Variants in CACNA1E observed in about 807,000 individuals in gnomAD.
The protein encoded by CACNA1E is calcium voltage-gated channel subunit alpha1 E, also known as voltage-dependent R-type calcium channel subunit alpha-1E.
A neutral mutation model predicts 259.2 loss-of-function variants in CACNA1E; 40 were observed. The observed-to-expected ratio is 0.15, with a 90% CI of 0.12 to 0.20. CACNA1E has a LOEUF of 0.20. Among genes scored for constraint, CACNA1E ranks in the 10% least tolerant of loss-of-function variants. CACNA1E has a pLI of 1.00. For missense variants in CACNA1E, 1,874 were observed against 3,040.1 expected, an observed-to-expected ratio of 0.62 and a Z score of 9.02; for synonymous variants, 1,104 against 1,138.5, an observed-to-expected ratio of 0.97 and a Z score of 0.61.
intron 1 of CACNA1E, among the ~76,000 whole-genome samples, chr1:181,398,405 CTTTAT>C (rs1286049926): frequency 2.0e-5 from 3 of 152,220 alleles, no homozygotes; most frequent in Non-Finnish European, 2.9e-5. Flanking sequence ...CATGCTCACA[CTTTAT>C]TTTATTTAAC....
intron 1 of CACNA1E, among the ~76,000 whole-genome samples, chr1:181,366,460 G>T (rs1654273793): frequency 1.3e-5 from 2 of 152,174 alleles, no homozygotes; most frequent in Admixed American, 1.3e-4. Context: ...GGGTCCTGTT[G>T]TAATCTTGCC....
intron 1 of CACNA1E, chr1:181,413,046 TCTTCTCTATTTCCCTGTGACCTTGGCCCC>T (rs1657978937): frequency 6.5e-6 from 1 of 153,036 alleles, no homozygotes; most frequent in Non-Finnish European, 1.5e-5. Context: ...TCTTTCTTTC[TCTTCTCTATTTCCCTGTGACCTTGGCCCC>T]ATTCTTCCTC....
chr1:181,377,169 G>T (rs1655159510), intron 1 of CACNA1E, among the ~76,000 whole-genome samples: 3 of 152,340 alleles, frequency 2.0e-5, no homozygotes, highest in Admixed American at 2.0e-4. Flanking sequence ...TACCAAAGGA[G>T]TTGAGAGGAC....
intron 3 of CACNA1E, among the ~76,000 whole-genome samples, chr1:181,518,679 A>G (rs1666772378): frequency 1.3e-5 from 2 of 152,220 alleles, no homozygotes; most frequent in East Asian, 1.9e-4. Flanking sequence ...ATTTTTTCTC[A>G]TGTATGCACT....
At chr1:181,427,172 C>T (rs572205635) in intron 2 of CACNA1E, among the ~76,000 whole-genome samples, 20 of 151,758 alleles carry the variant, frequency 1.3e-4, no homozygotes, top group African/African-American at 9.7e-5. Flanking sequence ...CTCATCTCAA[C>T]GCCTCCCTAT....
chr1:181,396,450 G>A (rs112903612), intron 1 of CACNA1E, among the ~76,000 whole-genome samples: 218 of 152,340 alleles, frequency 1.4e-3, no homozygotes, highest in Admixed American at 4.2e-3. Context: ...CAAAAGCGTG[G>A]GGAGAAAAGT....
chr1:181,573,973 G>A (rs1308654750), intron 3 of CACNA1E, among the ~76,000 whole-genome samples: 4 of 152,188 alleles, frequency 2.6e-5, no homozygotes, highest in Non-Finnish European at 5.9e-5. Context: ...CATGTCCTTT[G>A]TAGGGACATG....
chr1:181,409,053 G>A (rs1046409009), intron 1 of CACNA1E, among the ~76,000 whole-genome samples: 1 of 152,118 alleles, frequency 6.6e-6, no homozygotes, highest in Non-Finnish European at 1.5e-5. Flanking sequence ...TCCAAGAGAC[G>A]CAGATGAAAG....
chr1:181,791,288 G>A (rs184492169), intron 44 of CACNA1E, among the ~76,000 whole-genome samples: 184 of 152,262 alleles, frequency 1.2e-3, no homozygotes, highest in African/African-American at 4.2e-3. Context: ...TGGGTAACAC[G>A]GTGAAACCCC....
chr1:181,508,516 C>A (rs1306285370), intron 1 of CACNA1E, among the ~76,000 whole-genome samples: 1 of 152,182 alleles, frequency 6.6e-6, no homozygotes, highest in Admixed American at 6.5e-5. Context: ...GGTGCCTATG[C>A]CAGGCCCAGG....
chr1:181,422,038 G>T (rs975104083), intron 2 of CACNA1E, among the ~76,000 whole-genome samples: 1 of 152,170 alleles, frequency 6.6e-6, no homozygotes, highest in Non-Finnish European at 1.5e-5. Context: ...GCCTGTTTAT[G>T]TCTCTACCCT....
intron 3 of CACNA1E, among the ~76,000 whole-genome samples, chr1:181,564,407 T>C (rs1311893868): frequency 6.6e-6 from 1 of 152,256 alleles, no homozygotes; most frequent in Non-Finnish European, 1.5e-5. Flanking sequence ...AAGAAGCAGT[T>C]CTTACTGTGA....
intron 1 of CACNA1E, among the ~76,000 whole-genome samples, chr1:181,403,198 G>GTAATA: frequency 6.6e-6 from 1 of 151,564 alleles, no homozygotes; most frequent in South Asian, 2.1e-4. Context: ...TGAGTTCACA[G>GTAATA]TAATAGTTAT....
chr1:181,338,839 A>G lies in CACNA1E; in HGVS notation c.-15+20716A>G, dbSNP rs142627286. On this transcript the variant is annotated intron_variant, in intron 1 of 11. Transcript: ENST00000524607. The stretch of plus-strand genomic sequence containing the variant: ...ATCCATTTTGAGATGATTTTTGTGT[A>G]TAGTGTAAATTAAGGGTCCAGTTTC... Among the ~76,000 whole-genome samples the G allele has an allele frequency of 3.8e-3, 573 of 151,926 alleles. 6 individuals carry two copies. Among genetic ancestry groups the G allele is most frequent in the African/African-American group, 0.013 (548 of 41,418 alleles).
chr1:181,455,324 C>T (rs1412875569), intron 2 of CACNA1E, among the ~76,000 whole-genome samples: 1 of 151,902 alleles, frequency 6.6e-6, no homozygotes, highest in East Asian at 1.9e-4. Flanking sequence ...AGGGAGAGCT[C>T]CAAGGACAAG....
upstream of CACNA1E, among the ~76,000 whole-genome samples, chr1:181,481,990 G>A (rs1028938129): frequency 1.3e-5 from 2 of 152,194 alleles, no homozygotes; most frequent in East Asian, 1.9e-4. Flanking sequence ...TCCAGGAGAC[G>A]TCGGGCAGGG....
intron 3 of CACNA1E, among the ~76,000 whole-genome samples, chr1:181,524,556 A>G (rs963151737): frequency 7.2e-5 from 11 of 152,356 alleles, no homozygotes; most frequent in African/African-American, 2.4e-4. Flanking sequence ...TGAACAGGCC[A>G]GTGTGTCCTG....
At chr1:181,784,001 A>G (rs1211401798) in intron 40 of CACNA1E, among the ~76,000 whole-genome samples, 2 of 152,206 alleles carry the variant, frequency 1.3e-5, no homozygotes, top group African/African-American at 4.8e-5. Context: ...TTCAGCTTTA[A>G]AAGTATATGA....
intron 7 of CACNA1E, among the ~76,000 whole-genome samples, chr1:181,673,379 A>G (rs1649013640): frequency 1.3e-5 from 2 of 152,180 alleles, no homozygotes; most frequent in Non-Finnish European, 2.9e-5. Context: ...CAAAGTGGGC[A>G]CTGTCACATA....
Sources: gnomAD v4.1 joint callset for allele counts (sites outside exome capture counted in the v4.1 genomes callset) on GRCh38, gnomAD v4.1.1 for gene constraint, MANE v1.5 for transcripts, NCBI Gene and HGNC (gene_info 2026-07-23, HGNC 2026-07-21) for gene names.